DTWD2: variants seen among roughly 807,000 people sequenced by gnomAD.
DTWD2 encodes the protein DTW motif tRNA-uridine aminocarboxypropyltransferase 2, also known as tRNA-uridine aminocarboxypropyltransferase 2.
DTWD2 carries 39 observed loss-of-function variants against 31.8 expected under a neutral mutation model. The ratio of observed to expected loss-of-function variants is 1.22; its 90% CI spans 0.95 to 1.60. The LOEUF (loss-of-function observed/expected upper bound fraction) is 1.60. Ranked by LOEUF, DTWD2 falls within the 40% of genes most tolerant of loss-of-function variation. The pLI is 0.00. For missense variants in DTWD2, 515 were observed against 381.5 expected, an observed-to-expected ratio of 1.35 and a Z score of -2.92; for synonymous variants, 180 against 142.8, an observed-to-expected ratio of 1.26 and a Z score of -1.86.
In DTWD2 at chr5:118,951,506, C is replaced by T. The variant is rs150750291; in HGVS notation, c.219-6857G>A. Among the ~76,000 whole-genome samples the T allele has an allele frequency of 4.1e-3, 630 of 152,162 alleles. 8 individuals carry two copies. Among genetic ancestry groups the T allele is most frequent in the East Asian group, 0.032 (165 of 5,180 alleles). ...CACCTCAGACCATTTGCCCATTTTACGAGAAGAATTATCTAGATCTTGTAG... is the reference window on the plus strand; with the variant it reads ...CACCTCAGACCATTTGCCCATTTTATGAGAAGAATTATCTAGATCTTGTAG... On this transcript the variant is annotated intron_variant, in intron 1 of 5. Coordinates refer to ENST00000510708, the MANE Select transcript of DTWD2 (RefSeq NM_173666.4).
Position 118,985,490 on chromosome 5 carries a change from T to TATATATA in DTWD2, c.218+2803_218+2804insTATATAT, listed in dbSNP as rs1755403219. 8.0e-4 allele frequency among the ~76,000 whole-genome samples: 76 copies of TATATATA among 95,420 alleles called. 2 individuals are homozygous for TATATATA. Among genetic ancestry groups the TATATATA allele is most frequent in the East Asian group, 4.0e-3 (11 of 2,740 alleles). 62.6% of individuals were successfully genotyped at this position (95,420 alleles called of 152,430 possible). ...AAAGACCACATGCTTATGTGCATTT[T>TATATATA]TATATATATATATATATATATATAT... On this transcript the variant is annotated intron_variant, in intron 1 of 5. Coordinates refer to ENST00000510708, the MANE Select transcript of DTWD2 (RefSeq NM_173666.4).
intron 4 of DTWD2, among the ~76,000 whole-genome samples, chr5:118,858,847 T>C (rs2149543535): frequency 6.6e-6 from 1 of 152,320 alleles, no homozygotes; most frequent in South Asian, 2.1e-4. Flanking sequence ...ATTTTCAAAC[T>C]ATGATCCAAA....
chr5:118,883,858 A>G (rs1453144153), intron 4 of DTWD2, among the ~76,000 whole-genome samples: 1 of 152,226 alleles, frequency 6.6e-6, no homozygotes, highest in Non-Finnish European at 1.5e-5. Context: ...AAATCTTTTT[A>G]CAGGAGAGAG....
At chr5:118,951,953 C>T (rs1362024036) in intron 1 of DTWD2, among the ~76,000 whole-genome samples, 2 of 152,074 alleles carry the variant, frequency 1.3e-5, no homozygotes, top group African/African-American at 4.8e-5. Flanking sequence ...TGACTGGCAC[C>T]GGAGTTTTAG....
chr5:118,924,508 C>T (rs775123976), intron 4 of DTWD2, among the ~76,000 whole-genome samples: 9 of 152,234 alleles, frequency 5.9e-5, no homozygotes, highest in Admixed American at 2.0e-4. Flanking sequence ...CTAAGGCAGG[C>T]CCCTAGGAAA....
At chr5:118,874,818 A>G (rs1211578304) in intron 4 of DTWD2, among the ~76,000 whole-genome samples, 1 of 152,186 alleles carries the variant, frequency 6.6e-6, no homozygotes, top group Non-Finnish European at 1.5e-5. Context: ...AACTTCCCAA[A>G]GCTAGCTAGA....
Position 118,973,636 on chromosome 5 carries a change from CGCG to C in DTWD2, c.218+14655_218+14657del, listed in dbSNP as rs1194158941. ...CCTTGCTCGCGGCAGCCTCCTTGCTCGCGGCAGCCTCCTTGCTCGCGGCAGCCT... is the reference window on the plus strand; with the variant it reads ...CCTTGCTCGCGGCAGCCTCCTTGCTCGCAGCCTCCTTGCTCGCGGCAGCCT... On this transcript the variant is annotated intron_variant, in intron 1 of 5. Transcript: ENST00000510708. 1.7e-4 allele frequency among the ~76,000 whole-genome samples: 26 copies of C among 149,370 alleles called. No homozygotes were observed. The East Asian group carries it at 1.8e-3, about 11-fold the overall frequency.
chr5:118,950,594 C>T (rs911232144), intron 1 of DTWD2, among the ~76,000 whole-genome samples: 5 of 152,206 alleles, frequency 3.3e-5, no homozygotes, highest in African/African-American at 1.2e-4. Context: ...GGGTCCCGCA[C>T]AGATGGGACA....
At chr5:118,871,337 C>A (rs571841452) in intron 4 of DTWD2, among the ~76,000 whole-genome samples, 1 of 152,186 alleles carries the variant, frequency 6.6e-6, no homozygotes, top group Non-Finnish European at 1.5e-5. Context: ...CCTCCTCCCA[C>A]GAATCACAAA....
intron 5 of DTWD2, among the ~76,000 whole-genome samples, chr5:118,846,932 AC>A (rs1751869793): frequency 3.4e-5 from 4 of 118,150 alleles, no homozygotes; most frequent in African/African-American, 6.8e-5. Context: ...ACACACACAC[AC>A]ACACACACAC....
intron 2 of DTWD2, among the ~76,000 whole-genome samples, chr5:118,940,562 T>C (rs1328837580): frequency 6.6e-6 from 1 of 152,232 alleles, no homozygotes; most frequent in East Asian, 1.9e-4. Context: ...TCTTGATTTA[T>C]CGATTTTAGA....
intron 4 of DTWD2, among the ~76,000 whole-genome samples, chr5:118,909,047 C>A (rs1303399161): frequency 6.6e-6 from 1 of 152,168 alleles, no homozygotes; most frequent in African/African-American, 2.4e-5. Flanking sequence ...AACTCCCTGA[C>A]CCGAGTTCCC....
intron 2 of DTWD2, among the ~76,000 whole-genome samples, chr5:118,939,844 C>G (rs1263567280): frequency 6.6e-6 from 1 of 152,104 alleles, no homozygotes; most frequent in Non-Finnish European, 1.5e-5. Flanking sequence ...ATTGAACAAT[C>G]TGAGCAAGAA....
intron 1 of DTWD2, among the ~76,000 whole-genome samples, chr5:118,977,453 A>C (rs1755188894): frequency 6.6e-6 from 1 of 152,232 alleles, no homozygotes; most frequent in African/African-American, 2.4e-5. Context: ...GTCTCAGCCC[A>C]AAATCTCCTT....
rs185099103 is a variant in DTWD2 at position 118,898,722 on chromosome 5, A to C, written c.597+29815T>G. ...TTAAAATCTAATAAAGCTTGGCATC[A>C]AAACAGTTACGAAAATCTACAGTAT... On this transcript the variant is annotated intron_variant, in intron 4 of 5. Coordinates refer to ENST00000510708, the MANE Select transcript of DTWD2 (RefSeq NM_173666.4). Among the ~76,000 whole-genome samples the C allele has an allele frequency of 1.6e-3, 238 of 152,238 alleles. No homozygotes were observed. The Middle Eastern group carries it at 0.02, about 13-fold the overall frequency.
At chr5:118,926,736 T>C (rs1003046505) in intron 4 of DTWD2, among the ~76,000 whole-genome samples, 1 of 152,112 alleles carries the variant, frequency 6.6e-6, no homozygotes, top group African/African-American at 2.4e-5. Context: ...ACAGGGTCTC[T>C]CTCTGGCACC....
chr5:118,876,749 C>CA (rs965007597), intron 4 of DTWD2, among the ~76,000 whole-genome samples: 95 of 152,022 alleles, frequency 6.2e-4, no homozygotes, highest in African/African-American at 2.2e-3. Context: ...GCCTACCAAC[C>CA]AAAAAAAGCC....
chr5:118,865,995 CGTGTGTGTGTGT>C (rs3068505), intron 4 of DTWD2, among the ~76,000 whole-genome samples: 4 of 146,718 alleles, frequency 2.7e-5, no homozygotes, highest in Non-Finnish European at 6.0e-5. Flanking sequence ...CGTGTGTCTG[CGTGTGTGTGTGT>C]GTGTGTGTGT....
chr5:118,944,466 C>T (rs908530432), intron 2 of DTWD2, 93 bp downstream of exon 2: 21 of 1,274,702 alleles, frequency 1.6e-5, no homozygotes, highest in Non-Finnish European at 2.0e-5. Flanking sequence ...TTCAGAAATG[C>T]TAAAGAGCTG....
Sources: gnomAD v4.1 joint callset for allele counts (sites outside exome capture counted in the v4.1 genomes callset) on GRCh38, gnomAD v4.1.1 for gene constraint, MANE v1.5 for transcripts, NCBI Gene and HGNC (gene_info 2026-07-23, HGNC 2026-07-21) for gene names.